ATF2: variants seen among roughly 807,000 people sequenced by gnomAD.
ATF2 encodes cyclic AMP-dependent transcription factor ATF-2.
In ATF2, 24 loss-of-function variants were observed where a neutral mutation model predicts 60.6. The observed-to-expected ratio is 0.40, with a 90% CI of 0.29 to 0.56. ATF2 has a LOEUF of 0.56. ATF2 is among the 20% of genes least tolerant of loss of function. The pLI is 0.54. For missense variants in ATF2, 433 were observed against 607.7 expected, an observed-to-expected ratio of 0.71 and a Z score of 3.02; for synonymous variants, 206 against 215.4, an observed-to-expected ratio of 0.96 and a Z score of 0.38.
At position 175,142,839 on chromosome 2, in the gene ATF2, T is replaced by C. The variant is rs578071367; in HGVS notation, c.-43-6353A>G. On this transcript the variant is annotated intron_variant, in intron 2 of 13. Transcript: ENST00000264110. ...CAGCGAGCGAGCAAGAGAGAGAGTG[T>C]GTGTGTGTGTCTGTGTGTGTTTTAA... Among the ~76,000 whole-genome samples, 236 of 150,792 alleles carry C rather than the reference T, an allele frequency of 1.6e-3. 2 individuals carry two copies. The highest frequency in any genetic ancestry group is 5.5e-3 in the African/African-American group (226 of 40,850).
intron 13 of ATF2, chr2:175,080,457 A>C (rs1693686398): frequency 2.6e-6 from 1 of 379,648 alleles, no homozygotes; most frequent in Non-Finnish European, 4.7e-6. Flanking sequence ...TTAGGAAAAA[A>C]GCTAGAAACA....
chr2:175,156,876 G>A (rs916072126), intron 1 of ATF2, among the ~76,000 whole-genome samples: 2 of 152,282 alleles, frequency 1.3e-5, no homozygotes, highest in African/African-American at 4.8e-5. Flanking sequence ...TAATGTATGA[G>A]TCAGAAACAG....
At chr2:175,114,635 T>C in intron 8 of ATF2, 55 bp downstream of exon 8, 1 of 1,571,324 alleles carries the variant, frequency 6.4e-7, no homozygotes, top group East Asian at 2.3e-5. Context: ...GGAAAAATCA[T>C]TACAAAACAA....
intron 12 of ATF2, among the ~76,000 whole-genome samples, chr2:175,086,742 T>C (rs558343583): frequency 2.0e-5 from 3 of 152,168 alleles, no homozygotes; most frequent in African/African-American, 7.2e-5. Context: ...TTCAACAAAC[T>C]ACTCCAAGCA....
intron 1 of ATF2, among the ~76,000 whole-genome samples, chr2:175,155,879 A>C (rs1405523509): frequency 6.6e-6 from 1 of 152,196 alleles, no homozygotes; most frequent in Non-Finnish European, 1.5e-5. Context: ...TATTTTTTTC[A>C]ACAATTTCAA....
Position 175,092,236 on chromosome 2 carries a change from T to C in ATF2, c.1185+825A>G, listed in dbSNP as rs147572472. On this transcript the variant is annotated intron_variant, in intron 12 of 13. Transcript: ENST00000264110. ...AAGACAGCAGGTCTCTTACCATCAA[T>C]TATGATTATACAGAAAGATTCACTT... Among the ~76,000 whole-genome samples the C allele has an allele frequency of 2.9e-3, 441 of 152,322 alleles. 3 individuals are homozygous for C. Among genetic ancestry groups the C allele is most frequent in the African/African-American group, 9.4e-3 (392 of 41,576 alleles).
At chr2:175,121,648 A>C in intron 4 of ATF2, 108 bp from the exon 5 acceptor site, 1 of 771,562 alleles carries the variant, frequency 1.3e-6, no homozygotes, top group Non-Finnish European at 2.0e-6. Context: ...TTAACAGTGA[A>C]ATAGCAGTTT....
chr2:175,144,024 G>A (rs1698773847), intron 2 of ATF2, among the ~76,000 whole-genome samples: 1 of 151,886 alleles, frequency 6.6e-6, no homozygotes, highest in South Asian at 2.1e-4. Context: ...GAACTCCTAG[G>A]CTCAAGCCAT....
intron 10 of ATF2, among the ~76,000 whole-genome samples, chr2:175,099,250 C>CA (rs1313582050): frequency 6.6e-6 from 1 of 151,862 alleles, no homozygotes; most frequent in Non-Finnish European, 1.5e-5. Flanking sequence ...ATTACAGGTG[C>CA]ATGCCACCAC....
chr2:175,147,092 A>G (rs1234282235), intron 2 of ATF2, among the ~76,000 whole-genome samples: 1 of 152,202 alleles, frequency 6.6e-6, no homozygotes, highest in African/African-American at 2.4e-5. Context: ...ACTACAGTAG[A>G]ATAATTTACA....
At chr2:175,083,750 C>A (rs1693935080) in intron 12 of ATF2, among the ~76,000 whole-genome samples, 2 of 152,128 alleles carry the variant, frequency 1.3e-5, no homozygotes, top group Admixed American at 6.5e-5. Context: ...ACTTATCTGA[C>A]AAAGGGCTAA....
intron 12 of ATF2, among the ~76,000 whole-genome samples, chr2:175,091,777 C>A (rs1694566046): frequency 6.6e-6 from 1 of 152,190 alleles, no homozygotes; most frequent in Non-Finnish European, 1.5e-5. Flanking sequence ...GCAGGAGAAT[C>A]ACTGGCACCC....
intron 2 of ATF2, among the ~76,000 whole-genome samples, chr2:175,140,122 C>A (rs1235685399): frequency 6.6e-6 from 1 of 151,998 alleles, no homozygotes; most frequent in Non-Finnish European, 1.5e-5. Flanking sequence ...GCAGTCACTG[C>A]ACAGATACAC....
chr2:175,085,261 G>T (rs1694072096), intron 12 of ATF2, among the ~76,000 whole-genome samples: 1 of 152,138 alleles, frequency 6.6e-6, no homozygotes, highest in Admixed American at 6.6e-5. Flanking sequence ...TAGACTGGGT[G>T]TGGTGGCTCA....
At position 175,073,313 on chromosome 2, in the gene ATF2, A is replaced by G. The variant is rs1308460161; in HGVS notation, c.*1296T>C. 6.6e-6 allele frequency: 1 copy of G among 152,146 alleles called. No individual in the cohort carries two copies. The highest frequency in any genetic ancestry group is 2.4e-5 in the African/African-American group (1 of 41,446). The allele number at this position is 152,146 out of a possible 1,614,324, so 9.4% of individuals were successfully genotyped here. A position where few individuals can be genotyped will look rare whatever the true frequency, so the allele number is the denominator to read the frequency against. On this transcript the variant is annotated 3_prime_UTR_variant, in exon 14 of 14. Coordinates refer to ENST00000264110, the MANE Select transcript of ATF2 (RefSeq NM_001880.4). ...AGAAAAATGTACCTACAATCATCTC[A>G]TCAGAAACAAGCTACATCATGGAAT...
chr2:175,129,484 G>C (rs1335327678), intron 4 of ATF2, among the ~76,000 whole-genome samples: 1 of 151,888 alleles, frequency 6.6e-6, no homozygotes, highest in Non-Finnish European at 1.5e-5. Flanking sequence ...ATCAACTAAA[G>C]AAAATAAATG....
Position 175,074,535 on chromosome 2 carries a change from G to A in ATF2, c.*74C>T. ...TACAACCACAGATTTCGCATAAATG[G>A]AAACTGGTCTTTCCTTGATTTCCCT... On this transcript the variant is annotated 3_prime_UTR_variant, in exon 14 of 14. Coordinates refer to ENST00000264110, the MANE Select transcript of ATF2 (RefSeq NM_001880.4). 1 of 1,469,134 alleles carries A rather than the reference G, an allele frequency of 6.8e-7. No homozygotes were observed. The highest frequency in any genetic ancestry group is 9.1e-7 in the Non-Finnish European group (1 of 1,100,506). The allele number at this position is 1,469,134 out of a possible 1,614,324, so 91.0% of individuals were successfully genotyped here. A position where few individuals can be genotyped will look rare whatever the true frequency, so the allele number is the denominator to read the frequency against.
intron 5 of ATF2, 118 bp downstream of exon 5, chr2:175,121,326 T>C: frequency 1.9e-6 from 1 of 519,706 alleles, no homozygotes. Context: ...TGCCAACATT[T>C]ACTATAATGA....
chr2:175,136,062 CT>C (rs1401632570), intron 3 of ATF2, among the ~76,000 whole-genome samples: 2 of 135,348 alleles, frequency 1.5e-5, no homozygotes, highest in African/African-American at 5.5e-5. Flanking sequence ...CTTTAATATG[CT>C]AATGTAAAAT....
Sources: gnomAD v4.1 joint callset for allele counts (sites outside exome capture counted in the v4.1 genomes callset) on GRCh38, gnomAD v4.1.1 for gene constraint, MANE v1.5 for transcripts, NCBI Gene and HGNC (gene_info 2026-07-23, HGNC 2026-07-21) for gene names.